Variants in CWF19L1 observed in about 807,000 individuals in gnomAD.
CWF19L1 encodes the protein CWF19 like cell cycle control factor 1.
A neutral mutation model predicts 69.7 loss-of-function variants in CWF19L1; 60 were observed. That is an observed-to-expected ratio of 0.86 (90% CI 0.70 to 1.07). CWF19L1 has a LOEUF of 1.07. Among genes scored for constraint, CWF19L1 ranks in the 50% least tolerant of loss-of-function variants. CWF19L1 has a pLI of 0.00. For synonymous variants in CWF19L1, 209 were observed against 222.2 expected, an observed-to-expected ratio of 0.94 and a Z score of 0.53; for missense variants, 591 against 638.9, an observed-to-expected ratio of 0.92 and a Z score of 0.81.
intron 7 of CWF19L1, chr10:100,248,770 C>T (rs1196222958): frequency 3.5e-6 from 5 of 1,416,524 alleles, no homozygotes; most frequent in South Asian, 3.4e-5. Flanking sequence ...GTCCTTGACA[C>T]ATCTGACCTT....
intron 9 of CWF19L1, among the ~76,000 whole-genome samples, chr10:100,244,511 A>T (rs1215624650): frequency 6.6e-6 from 1 of 151,964 alleles, no homozygotes; most frequent in Non-Finnish European, 1.5e-5. Context: ...GTCTGCCACC[A>T]CGCCTGGTTA....
intron 4 of CWF19L1, 89 bp from the exon 5 acceptor site, chr10:100,256,565 A>G: frequency 3.1e-6 from 3 of 979,256 alleles, no homozygotes; most frequent in Middle Eastern, 2.1e-4. Flanking sequence ...TGACTCTCCT[A>G]TGTCCCTGCC....
intron 10 of CWF19L1, among the ~76,000 whole-genome samples, chr10:100,241,028 T>TG (rs1846621547): frequency 7.1e-6 from 1 of 140,722 alleles, no homozygotes; most frequent in Non-Finnish European, 1.5e-5. Context: ...TTTTTTTTTT[T>TG]GTGACAGAGT....
chr10:100,238,579 A>AG (rs1564850392), intron 10 of CWF19L1, among the ~76,000 whole-genome samples: 2 of 152,124 alleles, frequency 1.3e-5, no homozygotes, highest in Non-Finnish European at 2.9e-5. Context: ...AAACTTGAAA[A>AG]CAGTTTTTCA....
chr10:100,247,020 A>C (rs2134292898), intron 7 of CWF19L1, 85 bp from the exon 8 acceptor site: 1 of 1,260,302 alleles, frequency 7.9e-7, no homozygotes, highest in Non-Finnish European at 1.1e-6. Context: ...AAGATTTCAC[A>C]GAAAACATGT....
chr10:100,267,561 G>C lies in CWF19L1; in HGVS notation c.23+10C>G, dbSNP rs200164003. The C allele has an allele frequency of 4.3e-5, 69 of 1,614,120 alleles. 1 individual carries two copies. In the East Asian group the frequency reaches 1.4e-3, roughly 33 times the overall value. ...CACAGGGAGAGAGGCTTCCATTCAC[G>C]GTCACTCACAGGCGCAGCGGTTTCT... On this transcript the variant is annotated intron_variant, in intron 1 of 13. Coordinates refer to ENST00000354105, the MANE Select transcript of CWF19L1 (RefSeq NM_018294.6).
intron 1 of CWF19L1, 37 bp downstream of exon 1, chr10:100,267,534 G>C: frequency 1.2e-6 from 2 of 1,614,166 alleles, no homozygotes; most frequent in South Asian, 1.1e-5. Flanking sequence ...ACACGAAAGA[G>C]ACACAGGGAG....
intron 9 of CWF19L1, among the ~76,000 whole-genome samples, chr10:100,244,297 G>A (rs1423434747): frequency 6.6e-6 from 1 of 152,206 alleles, no homozygotes; most frequent in African/African-American, 2.4e-5. Context: ...AGACACAAAG[G>A]AAAGGTGCTT....
rs1411835331 is a variant in CWF19L1, at chr10:100,267,566, C to T, written c.23+5G>A. The stretch of plus-strand genomic sequence containing the variant: ...GGAGAGAGGCTTCCATTCACGGTCA[C>T]TCACAGGCGCAGCGGTTTCTGTGCC... On this transcript the variant is annotated splice_donor_5th_base_variant and intron_variant, in intron 1 of 13. Coordinates refer to ENST00000354105, the MANE Select transcript of CWF19L1 (RefSeq NM_018294.6). 6.2e-7 allele frequency: 1 copy of T among 1,614,226 alleles called. No homozygotes were observed. Among genetic ancestry groups the T allele is most frequent in the African/African-American group, 1.3e-5 (1 of 75,062 alleles).
At chr10:100,235,568 A>G (rs1846405393) in intron 13 of CWF19L1, 99 bp downstream of exon 13, 1 of 762,598 alleles carries the variant, frequency 1.3e-6, no homozygotes, top group Non-Finnish European at 2.2e-6. Flanking sequence ...TGGGGCAAGG[A>G]CTGTTTACAA....
intron 9 of CWF19L1, among the ~76,000 whole-genome samples, chr10:100,245,098 C>T (rs1846769990): frequency 1.3e-5 from 2 of 151,396 alleles, no homozygotes; most frequent in South Asian, 2.1e-4. Flanking sequence ...TCTCGGCTCA[C>T]TGCAACCTCT....
chr10:100,260,303 A>G lies in CWF19L1; in HGVS notation c.204T>C (p.Tyr68=), dbSNP rs181474751. ...TGIKKAPIQT[Y]VLGANNQETV... ...TTTCCTGGTTATTAGCACCAAGCACATATGTCTGAATAGGAGCTAGTGAGG... is the reference window on the plus strand; with the variant it reads ...TTTCCTGGTTATTAGCACCAAGCACGTATGTCTGAATAGGAGCTAGTGAGG... The change falls in exon 4 of 14, where the codon TAT becomes TAC. Residue 68 remains tyrosine (Y), a synonymous_variant. Transcript: ENST00000354105. 1.4e-4 allele frequency: 228 copies of G among 1,604,078 alleles called. 1 individual carries two copies. The East Asian group carries it at 4.2e-3, about 29-fold the overall frequency.
chr10:100,250,934 T>C (rs901012273), intron 6 of CWF19L1, among the ~76,000 whole-genome samples: 10 of 147,332 alleles, frequency 6.8e-5, no homozygotes, highest in South Asian at 2.1e-4. Flanking sequence ...GAAGACAGAA[T>C]GAGATCTTGT....
chr10:100,262,421 C>G, intron 1 of CWF19L1: 2 of 985,394 alleles, frequency 2.0e-6, no homozygotes, highest in Non-Finnish European at 2.4e-6. Context: ...CACATTCATT[C>G]TATCCTTCTT....
intron 12 of CWF19L1, among the ~76,000 whole-genome samples, chr10:100,236,536 C>T (rs1456101564): frequency 6.6e-6 from 1 of 152,122 alleles, no homozygotes; most frequent in Non-Finnish European, 1.5e-5. Flanking sequence ...CTTCGGGAGG[C>T]CAAGGCAGGC....
intron 1 of CWF19L1, among the ~76,000 whole-genome samples, chr10:100,264,399 G>C (rs1426330754): frequency 6.6e-6 from 1 of 151,974 alleles, no homozygotes; most frequent in Non-Finnish European, 1.5e-5. Context: ...CAAAAAATTA[G>C]CCGGGCGTGG....
At chr10:100,233,553 C>G in intron 13 of CWF19L1, 182 bp from the exon 14 acceptor site, 1 of 457,740 alleles carries the variant, frequency 2.2e-6, no homozygotes, top group Admixed American at 4.2e-5. Flanking sequence ...TATATATTTC[C>G]TGATCCTTCA....
chr10:100,249,078 C>T, intron 7 of CWF19L1: 2 of 520,242 alleles, frequency 3.8e-6, no homozygotes, highest in Middle Eastern at 5.2e-4. Context: ...CCCTGAGGGG[C>T]CACCCTGCCT....
Position 100,245,803 on chromosome 10 carries a change from T to C in CWF19L1, c.960A>G (p.Lys320=). ...CTCTGGAATAAAGGTACTTACGAGG[T>C]TTGCGAGGCTGCTTTGGATGAGGAG... ...KSSPHPKQPR[K]PPQPPGPCWF... Residue 320 remains lysine (K), a synonymous_variant, in exon 9 of 14, where the codon AAA becomes AAG. Transcript: ENST00000354105. The C allele has an allele frequency of 6.2e-7, 1 of 1,612,808 alleles. No homozygotes were observed. The highest frequency in any genetic ancestry group is 8.5e-7 in the Non-Finnish European group (1 of 1,178,832).
Sources: gnomAD v4.1 joint callset for allele counts (sites outside exome capture counted in the v4.1 genomes callset) on GRCh38, gnomAD v4.1.1 for gene constraint, MANE v1.5 for transcripts, NCBI Gene and HGNC (gene_info 2026-07-23, HGNC 2026-07-21) for gene names.